The following ANKRD44 variants were observed in gnomAD, a reference collection of about 807,000 sequenced individuals.
ANKRD44 encodes serine/threonine-protein phosphatase 6 regulatory ankyrin repeat subunit B.
Under a neutral mutation model 116.0 loss-of-function variants are expected in ANKRD44, and 35 were observed. The ratio of observed to expected loss-of-function variants is 0.30; its 90% CI spans 0.23 to 0.40. ANKRD44 has a LOEUF of 0.40. Among genes scored for constraint, ANKRD44 ranks in the 10% least tolerant of loss-of-function variants. The pLI, the probability that ANKRD44 is intolerant of heterozygous loss-of-function variation, is 1.00. For missense variants in ANKRD44, 1,014 were observed against 1,242.6 expected (o/e 0.82, Z 2.77); for synonymous variants, 435 against 461.8 (o/e 0.94, Z 0.74).
intron 3 of ANKRD44, among the ~76,000 whole-genome samples, chr2:197,138,101 TAAC>T (rs998278344): frequency 6.6e-6 from 1 of 152,176 alleles, no homozygotes; most frequent in African/African-American, 2.4e-5. Context: ...ACAGCGAGGC[TAAC>T]AACAACAGTA....
chr2:197,164,693 C>T (rs1347754013), intron 2 of ANKRD44, among the ~76,000 whole-genome samples: 2 of 152,216 alleles, frequency 1.3e-5, no homozygotes, highest in African/African-American at 2.4e-5. Flanking sequence ...GCCACCAGGC[C>T]TCCGCTCATT....
intron 4 of ANKRD44, among the ~76,000 whole-genome samples, chr2:197,127,660 A>AT (rs1260722173): frequency 6.6e-6 from 1 of 152,066 alleles, no homozygotes; most frequent in Non-Finnish European, 1.5e-5. Flanking sequence ...CTTCTGTTAA[A>AT]TTTTTTTTAA....
chr2:197,072,199 C>CA (rs1012206475), intron 16 of ANKRD44, among the ~76,000 whole-genome samples: 3 of 152,106 alleles, frequency 2.0e-5, no homozygotes, highest in African/African-American at 4.8e-5. Context: ...CTCTTTAAAA[C>CA]AAAAAATCTT....
chr2:197,289,595 T>C (rs1039374566), intron 1 of ANKRD44, among the ~76,000 whole-genome samples: 7 of 152,216 alleles, frequency 4.6e-5, no homozygotes, highest in African/African-American at 1.7e-4. Context: ...AAAATCCTTA[T>C]GCTGAGCAAA....
chr2:197,112,187 T>G (rs544384913), intron 8 of ANKRD44, among the ~76,000 whole-genome samples: 8 of 152,324 alleles, frequency 5.3e-5, no homozygotes, highest in Admixed American at 2.0e-4. Flanking sequence ...AAAAAATCTA[T>G]GTAACACTTA....
At chr2:196,989,758 T>A (rs2125873643) in intron 27 of ANKRD44, 109 bp from the exon 28 acceptor site, 1 of 1,508,202 alleles carries the variant, frequency 6.6e-7, no homozygotes, top group Non-Finnish European at 8.9e-7. Context: ...TGCTTTCACT[T>A]TTTTTGTTCC....
At chr2:197,172,241 A>T (rs1015413319) in intron 2 of ANKRD44, among the ~76,000 whole-genome samples, 13 of 152,064 alleles carry the variant, frequency 8.5e-5, no homozygotes, top group African/African-American at 2.7e-4. Context: ...ACCTCAAGTG[A>T]TCCACCCAAC....
intron 16 of ANKRD44, among the ~76,000 whole-genome samples, chr2:197,027,304 G>A (rs147176268): frequency 6.6e-6 from 1 of 152,170 alleles, no homozygotes; most frequent in Non-Finnish European, 1.5e-5. Context: ...GGAGGTGGCC[G>A]TGAGCTGAGA....
intron 1 of ANKRD44, among the ~76,000 whole-genome samples, chr2:197,214,716 AT>A (rs1384977067): frequency 6.6e-6 from 1 of 152,164 alleles, no homozygotes; most frequent in African/African-American, 2.4e-5. Flanking sequence ...TTTAAATGGA[AT>A]TTTAAAAGAG....
chr2:197,006,028 G>A, intron 20 of ANKRD44, 118 bp from the exon 21 acceptor site: 1 of 888,368 alleles, frequency 1.1e-6, no homozygotes. Flanking sequence ...TTTAAGGAAG[G>A]CAGACTCTGT....
chr2:197,221,446 T>A (rs182311494), intron 1 of ANKRD44, among the ~76,000 whole-genome samples: 68 of 152,178 alleles, frequency 4.5e-4, no homozygotes, highest in African/African-American at 1.5e-3. Flanking sequence ...CCCAGCTAAT[T>A]TTTTATTTTT....
At chr2:197,061,752 G>T (rs1252609461) in intron 16 of ANKRD44, among the ~76,000 whole-genome samples, 1 of 148,858 alleles carries the variant, frequency 6.7e-6, no homozygotes, top group Non-Finnish European at 1.5e-5. Flanking sequence ...CCCAAACTAG[G>T]TTATAATCTC....
At chr2:197,011,724 C>T (rs1438140963) in intron 18 of ANKRD44, among the ~76,000 whole-genome samples, 2 of 152,138 alleles carry the variant, frequency 1.3e-5, no homozygotes, top group Admixed American at 1.3e-4. Context: ...CTGCCCTCCT[C>T]GGCCTTCCAA....
chr2:197,278,797 C>CA (rs2083179733), intron 1 of ANKRD44, among the ~76,000 whole-genome samples: 1 of 152,228 alleles, frequency 6.6e-6, no homozygotes. Flanking sequence ...CGTAGGTCGC[C>CA]AGCAAGCAAG....
intron 16 of ANKRD44, among the ~76,000 whole-genome samples, chr2:197,066,946 A>C (rs2077446512): frequency 6.6e-6 from 1 of 152,222 alleles, no homozygotes; most frequent in Non-Finnish European, 1.5e-5. Flanking sequence ...TAAAGTTCAC[A>C]TGGAACCAAA....
chr2:197,197,645 A>G (rs2080983636), intron 1 of ANKRD44, among the ~76,000 whole-genome samples: 1 of 151,934 alleles, frequency 6.6e-6, no homozygotes, highest in Non-Finnish European at 1.5e-5. Context: ...CCACATCTCC[A>G]CTAAAAATGC....
intron 16 of ANKRD44, among the ~76,000 whole-genome samples, chr2:197,062,002 A>C (rs763937418): frequency 2.0e-4 from 30 of 152,184 alleles, no homozygotes; most frequent in Non-Finnish European, 3.1e-4. Context: ...GCTGGTCTTG[A>C]ACACCTGACC....
intron 8 of ANKRD44, among the ~76,000 whole-genome samples, chr2:197,117,530 G>A (rs2078741280): frequency 1.3e-5 from 2 of 152,060 alleles, no homozygotes; most frequent in South Asian, 4.2e-4. Flanking sequence ...GAGCCACCGC[G>A]CCTGGCCAAT....
intron 27 of ANKRD44, chr2:196,990,655 A>G: frequency 8.1e-7 from 1 of 1,232,144 alleles, no homozygotes; most frequent in Non-Finnish European, 1.0e-6. Flanking sequence ...ACAGGTGATC[A>G]AAGAAAAGCT....
Sources: gnomAD v4.1 joint callset for allele counts (sites outside exome capture counted in the v4.1 genomes callset) on GRCh38, gnomAD v4.1.1 for gene constraint, MANE v1.5 for transcripts, NCBI Gene and HGNC (gene_info 2026-07-23, HGNC 2026-07-21) for gene names.